SEMA3D: variants seen among roughly 807,000 people sequenced by gnomAD.
The protein encoded by SEMA3D is semaphorin 3D, also known as semaphorin-3D.
SEMA3D carries 84 observed loss-of-function variants against 100.1 expected under a neutral mutation model. The ratio of observed to expected loss-of-function variants is 0.84; its 90% CI spans 0.70 to 1.01. The LOEUF (loss-of-function observed/expected upper bound fraction) is 1.01. SEMA3D is among the 50% of genes least tolerant of loss of function. SEMA3D has a pLI of 0.00. For synonymous variants in SEMA3D, 312 were observed against 320.7 expected, an observed-to-expected ratio of 0.97 and a Z score of 0.29; for missense variants, 875 against 934.1, an observed-to-expected ratio of 0.94 and a Z score of 0.82.
intron 12 of SEMA3D, among the ~76,000 whole-genome samples, chr7:85,026,473 T>C (rs905551761): frequency 6.6e-6 from 1 of 152,002 alleles, no homozygotes; most frequent in Non-Finnish European, 1.5e-5. Flanking sequence ...AGCAATAAGA[T>C]GTTAGCTACA....
At chr7:85,041,123 T>C (rs1187264399) in intron 10 of SEMA3D, 1 of 160,006 alleles carries the variant, frequency 6.2e-6, no homozygotes, top group African/African-American at 2.4e-5. Context: ...AGTGGCACAA[T>C]CTCTGCCCAC....
intron 1 of SEMA3D, among the ~76,000 whole-genome samples, chr7:85,154,738 A>T (rs1030903034): frequency 6.6e-5 from 10 of 152,166 alleles, no homozygotes; most frequent in African/African-American, 2.4e-4. Flanking sequence ...GAGTAAGTGC[A>T]TTGACTAAAA....
chr7:85,085,984 A>C (rs1271689394), intron 4 of SEMA3D, among the ~76,000 whole-genome samples: 1 of 152,184 alleles, frequency 6.6e-6, no homozygotes, highest in Non-Finnish European at 1.5e-5. Context: ...GCTTCAGAGA[A>C]CTGACTTTTT....
At chr7:85,069,493 A>T (rs1198267810) in intron 6 of SEMA3D, among the ~76,000 whole-genome samples, 3 of 152,216 alleles carry the variant, frequency 2.0e-5, no homozygotes, top group Admixed American at 6.5e-5. Context: ...AAGGACTCAT[A>T]CAAGAAAATA....
intron 3 of SEMA3D, among the ~76,000 whole-genome samples, chr7:85,106,411 C>T (rs1380283244): frequency 6.6e-6 from 1 of 151,798 alleles, no homozygotes; most frequent in Non-Finnish European, 1.5e-5. Context: ...ACAAATACGA[C>T]AATATGACAA....
chr7:85,142,875 T>C, intron 2 of SEMA3D: 1 of 984,822 alleles, frequency 1.0e-6, no homozygotes, highest in South Asian at 4.7e-5. Context: ...GAATATGTCT[T>C]TCTTGAGCCA....
At chr7:85,098,041 G>C (rs1788620513) in intron 3 of SEMA3D, 76 bp from the exon 4 acceptor site, 3 of 645,592 alleles carry the variant, frequency 4.6e-6, no homozygotes, top group Non-Finnish European at 6.9e-6. Flanking sequence ...AGAGAAAGAA[G>C]AAAGAAAAAG....
intron 18 of SEMA3D, among the ~76,000 whole-genome samples, chr7:85,004,535 C>A (rs1789741334): frequency 6.6e-6 from 1 of 152,082 alleles, no homozygotes; most frequent in African/African-American, 2.4e-5. Flanking sequence ...CAGCAGATAA[C>A]TGACTCATGA....
chr7:85,208,284 CTGAA>C, the SEMA3D span, among the ~76,000 whole-genome samples: 5 of 151,882 alleles, frequency 3.3e-5, no homozygotes. Context: ...TTAAACGTCT[CTGAA>C]TGCCTGAGAT....
At chr7:85,059,476 A>C (rs529483818) in intron 8 of SEMA3D, among the ~76,000 whole-genome samples, 167 of 152,310 alleles carry the variant, frequency 1.1e-3, no homozygotes, top group South Asian at 1.9e-3. Flanking sequence ...TAGCACTTGC[A>C]TATAATTAAT....
chr7:85,215,060 G>A, the SEMA3D span, among the ~76,000 whole-genome samples: 44 of 150,790 alleles, frequency 2.9e-4, no homozygotes, highest in African/African-American at 1.0e-3. Context: ...ATAAAATTTA[G>A]GATTGTTGTC....
chr7:85,142,204 G>T, intron 2 of SEMA3D: 1 of 982,962 alleles, frequency 1.0e-6, no homozygotes, highest in Non-Finnish European at 1.2e-6. Context: ...TTACTCAATT[G>T]CTTATTTAAT....
chr7:85,085,473 G>A (rs373250461), intron 4 of SEMA3D, among the ~76,000 whole-genome samples: 2 of 152,048 alleles, frequency 1.3e-5, no homozygotes, highest in East Asian at 1.9e-4. Context: ...TCTTTATATC[G>A]TTTTTGAAAC....
At chr7:85,151,735 T>C (rs1790427695) in intron 2 of SEMA3D, 2 of 939,616 alleles carry the variant, frequency 2.1e-6, no homozygotes, top group Non-Finnish European at 2.5e-6. Flanking sequence ...TAATATTTTC[T>C]GTTTAGTTCA....
intron 18 of SEMA3D, among the ~76,000 whole-genome samples, chr7:85,004,447 G>A (rs1313554561): frequency 6.6e-6 from 1 of 152,060 alleles, no homozygotes; most frequent in African/African-American, 2.4e-5. Flanking sequence ...AAGTTCAACA[G>A]AAGCCTGGGG....
chr7:84,999,403 TAGG>T lies in SEMA3D; in HGVS notation c.*34_*36del, dbSNP rs756667261. ...TACAAAACAGAAGGCAATGTTTTTA[TAGG>T]TAAGGAATTCTTTTCTTTAAATTAA... On this transcript the variant is annotated 3_prime_UTR_variant, in exon 19 of 19. Transcript: ENST00000284136. 1 of 1,535,760 alleles carries T rather than the reference TAGG, an allele frequency of 6.5e-7. No individual in the cohort carries two copies. Among genetic ancestry groups the T allele is most frequent in the South Asian group, 1.1e-5 (1 of 87,640 alleles).
At chr7:85,156,851 C>T (rs1359686368) in intron 1 of SEMA3D, among the ~76,000 whole-genome samples, 1 of 152,132 alleles carries the variant, frequency 6.6e-6, no homozygotes, top group Non-Finnish European at 1.5e-5. Flanking sequence ...ATGCAAATAT[C>T]TTATAGCCCA....
intron 2 of SEMA3D, chr7:85,142,710 A>G (rs1790091038): frequency 1.0e-6 from 1 of 976,842 alleles, no homozygotes; most frequent in Non-Finnish European, 1.2e-6. Flanking sequence ...TAAAAACCCC[A>G]TCAATGTTTT....
At chr7:85,244,522 C>A in the SEMA3D span, among the ~76,000 whole-genome samples, 515 of 152,178 alleles carry the variant, frequency 3.4e-3, 1 homozygote, top group African/African-American at 0.012. Context: ...TGCAATGGTG[C>A]AAGCCACATA....
Sources: allele counts gnomAD v4.1 joint callset (sites outside exome capture counted in the v4.1 genomes callset), GRCh38; gene constraint gnomAD v4.1.1; transcripts MANE v1.5; gene names NCBI Gene and HGNC (gene_info 2026-07-23, HGNC 2026-07-21).